Variants in DNAI1 observed in about 807,000 individuals in gnomAD.
DNAI1 encodes dynein, axonemal, intermediate polypeptide 1.
Under a neutral mutation model 92.0 loss-of-function variants are expected in DNAI1, and 67 were observed. The ratio of observed to expected loss-of-function variants is 0.73; its 90% CI spans 0.60 to 0.89. The LOEUF is 0.89. DNAI1 is among the 40% of genes least tolerant of loss of function. The pLI is 0.00. For missense variants in DNAI1, 839 were observed against 866.6 expected, an observed-to-expected ratio of 0.97 and a Z score of 0.40; for synonymous variants, 323 against 319.6, an observed-to-expected ratio of 1.01 and a Z score of -0.11.
intron 19 of DNAI1, among the ~76,000 whole-genome samples, chr9:34,519,727 G>T (rs767174464): frequency 1.1e-4 from 16 of 152,198 alleles, no homozygotes; most frequent in Non-Finnish European, 1.9e-4. Context: ...TACAGCCCTG[G>T]CCAGACCAAG....
At chr9:34,483,768 CAT>C (rs1337382089) in intron 2 of DNAI1, among the ~76,000 whole-genome samples, 3 of 152,032 alleles carry the variant, frequency 2.0e-5, no homozygotes, top group African/African-American at 7.2e-5. Flanking sequence ...TATTTTATAA[CAT>C]GTTTTTCACA....
intron 4 of DNAI1, 46 bp from the exon 5 acceptor site, chr9:34,489,277 A>G: frequency 6.2e-7 from 1 of 1,611,316 alleles, no homozygotes; most frequent in Non-Finnish European, 8.5e-7. Context: ...TTTTGACTCC[A>G]GCTCTTTTAG....
intron 1 of DNAI1, among the ~76,000 whole-genome samples, chr9:34,473,954 C>T (rs938388861): frequency 6.6e-6 from 1 of 152,148 alleles, no homozygotes; most frequent in African/African-American, 2.4e-5. Context: ...TCTCGAACTC[C>T]TGGACTCAAG....
At chr9:34,491,406 C>A in intron 7 of DNAI1, 89 bp from the exon 8 acceptor site, 1 of 1,466,618 alleles carries the variant, frequency 6.8e-7, no homozygotes. Context: ...TCAGCCCCAG[C>A]CAAAATGCTT....
chr9:34,514,344 T>C (rs775344314), intron 16 of DNAI1, 50 bp from the exon 17 acceptor site: 2 of 1,606,204 alleles, frequency 1.2e-6, no homozygotes, highest in Non-Finnish European at 8.5e-7. Context: ...AGGGAAGTGG[T>C]GGCTGCTGAC....
Position 34,480,272 on chromosome 9 carries a change from CTTTTTTTTTTTTT to C in DNAI1, c.49-3164_49-3152del, listed in dbSNP as rs202115133. On this transcript the variant is annotated intron_variant, in intron 1 of 19. Coordinates refer to ENST00000242317, the MANE Select transcript of DNAI1 (RefSeq NM_012144.4). Reference sequence around the variant, plus strand: ...ATTTTTGTTGGTTTGTTTGGTGGAACTTTTTTTTTTTTTTTTTTTTTTTTGAGATGGAGTCTCG... The same window carrying C: ...ATTTTTGTTGGTTTGTTTGGTGGAACTTTTTTTTTTTGAGATGGAGTCTCG... Among the ~76,000 whole-genome samples the C allele has an allele frequency of 1.0e-4, 10 of 99,426 alleles. 1 individual carries two copies. The highest frequency in any genetic ancestry group is 9.6e-4 in the South Asian group (3 of 3,128). The allele number at this position is 99,426 out of a possible 152,430, so 65.2% of individuals were successfully genotyped here.
intron 1 of DNAI1, among the ~76,000 whole-genome samples, chr9:34,469,649 C>T (rs1224365609): frequency 6.6e-6 from 1 of 152,070 alleles, no homozygotes. Context: ...GTGATCTCAG[C>T]TCTCTGCAAC....
At chr9:34,489,679 T>G (rs1259288487) in intron 5 of DNAI1, among the ~76,000 whole-genome samples, 1 of 151,826 alleles carries the variant, frequency 6.6e-6, no homozygotes, top group Non-Finnish European at 1.5e-5. Context: ...GAAACCCCGT[T>G]TCTACTAAAA....
chr9:34,492,493 G>GATATAGATATATATATATAT (rs1824623541), intron 8 of DNAI1, among the ~76,000 whole-genome samples: 1 of 68,268 alleles, frequency 1.5e-5, no homozygotes, highest in Non-Finnish European at 3.1e-5. Flanking sequence ...GGGATATGAA[G>GATATAGATATATATATATAT]ATATATATAT....
intron 9 of DNAI1, among the ~76,000 whole-genome samples, chr9:34,495,420 G>C (rs949294990): frequency 6.6e-6 from 1 of 152,164 alleles, no homozygotes; most frequent in Admixed American, 6.5e-5. Context: ...CCATTTGTTA[G>C]CTCAGTTTTT....
chr9:34,464,383 G>T (rs1449364583), intron 1 of DNAI1, among the ~76,000 whole-genome samples: 1 of 151,952 alleles, frequency 6.6e-6, no homozygotes, highest in Admixed American at 6.6e-5. Context: ...ACCTTAATTT[G>T]TACCACTCTT....
chr9:34,492,303 GC>G (rs1481681151), intron 8 of DNAI1, among the ~76,000 whole-genome samples: 2 of 151,708 alleles, frequency 1.3e-5, no homozygotes, highest in Admixed American at 6.6e-5. Context: ...AGGGGCATTT[GC>G]CCAGCCCCAG....
intron 12 of DNAI1, among the ~76,000 whole-genome samples, chr9:34,506,376 G>A (rs1249090599): frequency 6.6e-6 from 1 of 152,152 alleles, no homozygotes; most frequent in East Asian, 1.9e-4. Flanking sequence ...TGCACCTTGG[G>A]GAGAATTAGG....
intron 1 of DNAI1, among the ~76,000 whole-genome samples, chr9:34,481,864 A>G (rs1434125306): frequency 2.0e-5 from 3 of 152,216 alleles, no homozygotes; most frequent in African/African-American, 7.2e-5. Flanking sequence ...GATTTATTGC[A>G]AAGAGCAAAA....
chr9:34,485,392 T>TG (rs770577963), intron 3 of DNAI1, 45 bp from the exon 4 acceptor site: 31 of 1,602,530 alleles, frequency 1.9e-5, no homozygotes, highest in African/African-American at 2.7e-5. Context: ...CAGATAGGGT[T>TG]GGGGGGTCTT....
At chr9:34,466,183 C>T (rs774685889) in intron 1 of DNAI1, among the ~76,000 whole-genome samples, 4 of 151,864 alleles carry the variant, frequency 2.6e-5, no homozygotes, top group African/African-American at 7.3e-5. Flanking sequence ...ACTCTGAACA[C>T]TAACTTTTCT....
chr9:34,476,700 G>A (rs116113594), intron 1 of DNAI1, among the ~76,000 whole-genome samples: 1,614 of 152,294 alleles, frequency 0.011, 33 homozygotes, highest in African/African-American at 0.037. Context: ...AAGGATGCTC[G>A]GCATAGAGCA....
chr9:34,501,124 A>AT lies in DNAI1; in HGVS notation c.1020-5dup, dbSNP rs745344346. ...TCATTTCCTATGCCAATGGATTCAT[A>AT]TTTTTTTTTGCAGGAATCCAAAGTA... On this transcript the variant is annotated splice_polypyrimidine_tract_variant and intron_variant, in intron 11 of 19. Transcript: ENST00000242317. 482 of 1,562,252 alleles carry AT rather than the reference A, an allele frequency of 3.1e-4. No homozygotes were observed. The highest frequency in any genetic ancestry group is 1.2e-3 in the Middle Eastern group (7 of 5,910).
In DNAI1 at chr9:34,504,239, C is replaced by G. The variant is rs570570423; in HGVS notation, c.1064-2388C>G. The stretch of plus-strand genomic sequence containing the variant: ...CTAAATCCCTTCCCACTCTGTCCCA[C>G]CACATCCTGGCCTGTCCCTGGGCCT... On this transcript the variant is annotated intron_variant, in intron 12 of 19. Coordinates refer to ENST00000242317, the MANE Select transcript of DNAI1 (RefSeq NM_012144.4). Among the ~76,000 whole-genome samples the G allele has an allele frequency of 7.2e-5, 11 of 152,334 alleles. No homozygotes were observed. In the South Asian group the frequency reaches 2.3e-3, roughly 32 times the overall value.
Sources: allele counts gnomAD v4.1 joint callset (sites outside exome capture counted in the v4.1 genomes callset), GRCh38; gene constraint gnomAD v4.1.1; transcripts MANE v1.5; gene names NCBI Gene and HGNC (gene_info 2026-07-23, HGNC 2026-07-21).